EXOC4: variants seen among roughly 807,000 people sequenced by gnomAD.
EXOC4 encodes the protein SEC8-like 1.
A neutral mutation model predicts 107.2 loss-of-function variants in EXOC4; 71 were observed. The observed-to-expected ratio is 0.66, with a 90% CI of 0.55 to 0.81. The LOEUF is 0.81. Among genes scored for constraint, EXOC4 ranks in the 30% least tolerant of loss-of-function variants. EXOC4 has a pLI of 0.00. For missense variants in EXOC4, 1,108 were observed against 1,189.6 expected, an observed-to-expected ratio of 0.93 and a Z score of 1.01; for synonymous variants, 456 against 441.2, an observed-to-expected ratio of 1.03 and a Z score of -0.42.
At chr7:133,401,975 T>C (rs1797100834) in intron 7 of EXOC4, among the ~76,000 whole-genome samples, 2 of 151,988 alleles carry the variant, frequency 1.3e-5, no homozygotes, top group Admixed American at 1.3e-4. Context: ...CAAAAGGGAG[T>C]GGGCAGAAAA....
At chr7:133,578,165 G>C (rs548816640) in intron 9 of EXOC4, among the ~76,000 whole-genome samples, 1 of 152,308 alleles carries the variant, frequency 6.6e-6, no homozygotes, top group South Asian at 2.1e-4. Context: ...TTCAGGAAGA[G>C]GAGATTATGA....
At chr7:133,713,923 C>T (rs896955718) in intron 10 of EXOC4, among the ~76,000 whole-genome samples, 1 of 152,018 alleles carries the variant, frequency 6.6e-6, no homozygotes, top group Non-Finnish European at 1.5e-5. Context: ...TTCTTTATAG[C>T]AGTATGAAAA....
rs140893251 is a variant in EXOC4, at chr7:133,344,861, G to A, written c.764-11469G>A. 7.5e-4 allele frequency among the ~76,000 whole-genome samples: 114 copies of A among 151,612 alleles called. No homozygotes were observed. The Middle Eastern group carries it at 0.017, about 23-fold the overall frequency. On this transcript the variant is annotated intron_variant, in intron 5 of 17. Coordinates refer to ENST00000253861, the MANE Select transcript of EXOC4 (RefSeq NM_021807.4). The stretch of plus-strand genomic sequence containing the variant: ...CACATTCTACCTTTGTTTGCAATAA[G>A]GCCTTCTGGCAGATCAGGGACAGAG...
intron 10 of EXOC4, among the ~76,000 whole-genome samples, chr7:133,702,103 T>C (rs7800119): frequency 0.98 from 145,826 of 148,228 alleles, 71,803 homozygotes; most frequent in Middle Eastern, 1. Context: ...CACACTCAAG[T>C]GATCATCATT....
chr7:133,742,782 T>G (rs1378354346), intron 10 of EXOC4, among the ~76,000 whole-genome samples: 3 of 152,338 alleles, frequency 2.0e-5, no homozygotes, highest in Admixed American at 2.0e-4. Context: ...CGAAAGGATG[T>G]CACCTTCATT....
chr7:133,760,477 TC>T (rs1025677512), intron 10 of EXOC4, among the ~76,000 whole-genome samples: 1 of 152,206 alleles, frequency 6.6e-6, no homozygotes, highest in African/African-American at 2.4e-5. Flanking sequence ...AATCAACTTT[TC>T]CCCTTTGAAT....
intron 10 of EXOC4, among the ~76,000 whole-genome samples, chr7:133,790,229 C>T (rs1375003629): frequency 8.5e-5 from 13 of 152,306 alleles, no homozygotes; most frequent in South Asian, 2.1e-4. Flanking sequence ...AGCGATAGAG[C>T]ATGCAATAGG....
chr7:133,764,222 C>T (rs557274361), intron 10 of EXOC4, among the ~76,000 whole-genome samples: 22 of 152,110 alleles, frequency 1.4e-4, no homozygotes, highest in East Asian at 3.9e-4. Flanking sequence ...CATTTTCAAA[C>T]GTACAGAAGT....
At chr7:134,088,754 A>G in the EXOC4 span, among the ~76,000 whole-genome samples, 1 of 152,202 alleles carries the variant, frequency 6.6e-6, no homozygotes, top group Admixed American at 6.5e-5. Context: ...GCATGACAAA[A>G]GGTTTTAGGA....
intron 9 of EXOC4, among the ~76,000 whole-genome samples, chr7:133,607,269 A>G (rs1046164667): frequency 1.4e-4 from 21 of 152,350 alleles, no homozygotes; most frequent in Admixed American, 1.3e-3. Flanking sequence ...GTGTCTGACA[A>G]GCTGATCAAA....
chr7:133,304,046 T>TA (rs2150565672), intron 3 of EXOC4, among the ~76,000 whole-genome samples: 1 of 152,354 alleles, frequency 6.6e-6, no homozygotes, highest in South Asian at 2.1e-4. Context: ...CTGTTTGGGT[T>TA]AAAAATCTTC....
At chr7:133,670,704 A>G (rs942073169) in intron 10 of EXOC4, among the ~76,000 whole-genome samples, 2 of 152,210 alleles carry the variant, frequency 1.3e-5, no homozygotes, top group Non-Finnish European at 1.5e-5. Context: ...GGTAATCCCA[A>G]CTGGAGGGCT....
intron 9 of EXOC4, among the ~76,000 whole-genome samples, chr7:133,580,620 G>T (rs1009757028): frequency 5.2e-4 from 79 of 152,218 alleles, no homozygotes; most frequent in African/African-American, 1.8e-3. Context: ...TTTTCCCTTT[G>T]ACTCTTAAAA....
chr7:133,834,565 A>G (rs916871248), intron 11 of EXOC4, among the ~76,000 whole-genome samples: 2 of 152,200 alleles, frequency 1.3e-5, no homozygotes, highest in Admixed American at 6.5e-5. Flanking sequence ...TTGTTTTTCT[A>G]AGAATCCTTT....
rs1278132699 is a variant in EXOC4, at chr7:133,457,623, C to G, written c.1183-17705C>G. On this transcript the variant is annotated intron_variant, in intron 7 of 17. Transcript: ENST00000253861. ...ATTCTTAGGAAGAGGGAACCTTTCTCCTTAGAGTTGGTGTATCCCATTATC... is the reference window on the plus strand; with the variant it reads ...ATTCTTAGGAAGAGGGAACCTTTCTGCTTAGAGTTGGTGTATCCCATTATC... 2.6e-5 allele frequency among the ~76,000 whole-genome samples: 4 copies of G among 152,150 alleles called. No individual in the cohort carries two copies. The East Asian group carries it at 7.7e-4, about 29-fold the overall frequency.
At chr7:133,700,390 A>C (rs1032555734) in intron 10 of EXOC4, among the ~76,000 whole-genome samples, 1 of 152,206 alleles carries the variant, frequency 6.6e-6, no homozygotes, top group Non-Finnish European at 1.5e-5. Context: ...TCTTTATATC[A>C]AAGTCATCTC....
intron 6 of EXOC4, among the ~76,000 whole-genome samples, chr7:133,371,103 A>G (rs565145590): frequency 6.6e-6 from 1 of 152,338 alleles, no homozygotes; most frequent in East Asian, 1.9e-4. Context: ...TAAAGGAATC[A>G]GCTTTCACAA....
rs1157320960 is a variant in EXOC4 at position 133,493,848 on chromosome 7, C to T, written c.1417+13710C>T. Among the ~76,000 whole-genome samples the T allele has an allele frequency of 2.6e-5, 4 of 152,166 alleles. No individual in the cohort carries two copies. The East Asian group carries it at 7.7e-4, about 29-fold the overall frequency. On this transcript the variant is annotated intron_variant, in intron 9 of 17. Coordinates refer to ENST00000253861, the MANE Select transcript of EXOC4 (RefSeq NM_021807.4). ...CCTTTAGTGAATTTGTCTTTCTGGCCTATATTCACCCCAGAGATAAATATT... is the reference window on the plus strand; with the variant it reads ...CCTTTAGTGAATTTGTCTTTCTGGCTTATATTCACCCCAGAGATAAATATT...
At chr7:133,306,267 A>G (rs1794752224) in intron 4 of EXOC4, among the ~76,000 whole-genome samples, 1 of 152,200 alleles carries the variant, frequency 6.6e-6, no homozygotes, top group Non-Finnish European at 1.5e-5. Context: ...TTCTACATTT[A>G]TTATGGTCCT....
Sources: gnomAD v4.1 joint callset for allele counts (sites outside exome capture counted in the v4.1 genomes callset) on GRCh38, gnomAD v4.1.1 for gene constraint, MANE v1.5 for transcripts, NCBI Gene and HGNC (gene_info 2026-07-23, HGNC 2026-07-21) for gene names.